The following FMNL2 variants were observed in gnomAD, a reference collection of about 807,000 sequenced individuals.
The protein encoded by FMNL2 is formin like 2.
Under a neutral mutation model 130.2 loss-of-function variants are expected in FMNL2, and 51 were observed. That is an observed-to-expected ratio of 0.39 (90% confidence interval 0.31 to 0.49). FMNL2 has a LOEUF of 0.49. FMNL2 is among the 20% of genes least tolerant of loss of function. FMNL2 has a pLI of 0.85. For missense variants in FMNL2, 977 were observed against 1,316.2 expected, an observed-to-expected ratio of 0.74 and a Z score of 3.99; for synonymous variants, 465 against 467.1, an observed-to-expected ratio of 1.00 and a Z score of 0.06.
chr2:152,562,385 G>A (rs1420317640), intron 6 of FMNL2, among the ~76,000 whole-genome samples: 1 of 152,174 alleles, frequency 6.6e-6, no homozygotes, highest in South Asian at 2.1e-4. Context: ...GAATCCATAT[G>A]TCAGATTGCA....
At chr2:152,450,687 A>G (rs1688591798) in intron 1 of FMNL2, among the ~76,000 whole-genome samples, 1 of 151,998 alleles carries the variant, frequency 6.6e-6, no homozygotes, top group Admixed American at 6.6e-5. Flanking sequence ...CTCCCTTCTC[A>G]CTTAAGTCAG....
chr2:152,466,582 A>G (rs1689554255), intron 1 of FMNL2, among the ~76,000 whole-genome samples: 1 of 152,216 alleles, frequency 6.6e-6, no homozygotes, highest in African/African-American at 2.4e-5. Flanking sequence ...GGTTTGAAGG[A>G]GAGTTGAGCT....
intron 1 of FMNL2, among the ~76,000 whole-genome samples, chr2:152,450,816 C>G (rs1194935567): frequency 6.6e-6 from 1 of 152,188 alleles, no homozygotes; most frequent in African/African-American, 2.4e-5. Flanking sequence ...TCCACTCGTT[C>G]CTTAAAATCA....
chr2:152,647,908 C>T lies in FMNL2; in HGVS notation c.*3C>T. 6.2e-7 allele frequency: 1 copy of T among 1,609,896 alleles called. No homozygotes were observed. Reference sequence around the variant, plus strand: ...ATGGTGCCGAAATAACAATGTGAACCTGAGACTGGCCTGCATGAATACAGG... The same window carrying T: ...ATGGTGCCGAAATAACAATGTGAACTTGAGACTGGCCTGCATGAATACAGG... On this transcript the variant is annotated 3_prime_UTR_variant, in exon 26 of 26. Coordinates refer to ENST00000288670, the MANE Select transcript of FMNL2 (RefSeq NM_052905.4).
At chr2:152,558,556 G>A (rs778870336) in intron 4 of FMNL2, among the ~76,000 whole-genome samples, 184 bp from the exon 5 acceptor site, 7 of 152,128 alleles carry the variant, frequency 4.6e-5, no homozygotes, top group Non-Finnish European at 8.8e-5. Context: ...AAAAGTTGTG[G>A]TTTTCTTAGT....
chr2:152,519,314 G>C (rs148871466), intron 1 of FMNL2, among the ~76,000 whole-genome samples: 1 of 152,098 alleles, frequency 6.6e-6, no homozygotes, highest in Non-Finnish European at 1.5e-5. Flanking sequence ...TGGGCATCGC[G>C]TCTGTTTGGA....
intron 9 of FMNL2, among the ~76,000 whole-genome samples, chr2:152,582,904 G>A (rs10497111): frequency 0.16 from 24,867 of 152,092 alleles, 2,439 homozygotes; most frequent in African/African-American, 0.27. Flanking sequence ...CTGCAGGTCA[G>A]ATTATATCCT....
intron 1 of FMNL2, among the ~76,000 whole-genome samples, chr2:152,410,660 C>T (rs1410935236): frequency 1.3e-5 from 2 of 152,194 alleles, no homozygotes; most frequent in Non-Finnish European, 2.9e-5. Flanking sequence ...GACCACCATC[C>T]CTTCACCCCC....
At chr2:152,469,124 C>T (rs903847079) in intron 1 of FMNL2, among the ~76,000 whole-genome samples, 6 of 152,196 alleles carry the variant, frequency 3.9e-5, no homozygotes, top group African/African-American at 1.2e-4. Context: ...GCTGTTGATT[C>T]GTTTTTCTTC....
At chr2:152,479,823 G>T (rs1690387844) in intron 1 of FMNL2, among the ~76,000 whole-genome samples, 1 of 146,946 alleles carries the variant, frequency 6.8e-6, no homozygotes, top group Admixed American at 7.0e-5. Flanking sequence ...CGATTCTCTT[G>T]CCTCAGCCTC....
chr2:152,558,690 G>C, intron 4 of FMNL2, 50 bp from the exon 5 acceptor site: 1 of 1,516,448 alleles, frequency 6.6e-7, no homozygotes, highest in South Asian at 1.2e-5. Flanking sequence ...TTCCATGGCA[G>C]GTCATGTGAT....
At chr2:152,547,628 G>T (rs1397291750) in intron 3 of FMNL2, among the ~76,000 whole-genome samples, 5 of 152,110 alleles carry the variant, frequency 3.3e-5, no homozygotes, top group Non-Finnish European at 7.4e-5. Context: ...AGGCCTTCAT[G>T]GGCCACCAAG....
chr2:152,437,823 C>T (rs1687845479), intron 1 of FMNL2, among the ~76,000 whole-genome samples: 1 of 152,190 alleles, frequency 6.6e-6, no homozygotes, highest in East Asian at 1.9e-4. Context: ...CTTTGAATAT[C>T]ACTGCCTTTT....
At position 152,632,055 on chromosome 2, in the gene FMNL2, T is replaced by C; in HGVS notation, c.2598T>C (p.Tyr866=). ...ACAGAAAGCAAACACTGTTGCACTA[T>C]ATATCCAATGTGGTGAAAGAAAAAT... ...STDRKQTLLH[Y]ISNVVKEKYH... The change falls in exon 21 of 26, where the codon TAT becomes TAC. Residue 866 remains tyrosine (Y), a synonymous_variant. Transcript: ENST00000288670. 1 of 1,613,428 alleles carries C rather than the reference T, an allele frequency of 6.2e-7. No homozygotes were observed. Among genetic ancestry groups the C allele is most frequent in the Non-Finnish European group, 8.5e-7 (1 of 1,179,614 alleles).
intron 15 of FMNL2, chr2:152,625,197 C>A: frequency 4.9e-6 from 2 of 406,612 alleles, no homozygotes; most frequent in Non-Finnish European, 8.8e-6. Context: ...AAAAAAAAAT[C>A]AACCCTTGGC....
intron 1 of FMNL2, among the ~76,000 whole-genome samples, chr2:152,373,661 C>T (rs923492342): frequency 2.6e-5 from 4 of 152,040 alleles, no homozygotes; most frequent in Admixed American, 1.3e-4. Flanking sequence ...GTGGATTCAA[C>T]GTAGTACTTG....
intron 1 of FMNL2, among the ~76,000 whole-genome samples, chr2:152,343,308 T>C (rs1681917528): frequency 6.6e-6 from 1 of 150,612 alleles, no homozygotes; most frequent in Non-Finnish European, 1.5e-5. Flanking sequence ...CATATTTTTT[T>C]GTTTTGAGAT....
In FMNL2 at chr2:152,480,633, TAAAAAAAAAAA is replaced by T. The variant is rs58943356; in HGVS notation, c.118-41292_118-41282del. Among the ~76,000 whole-genome samples, 89 of 37,392 alleles carry T rather than the reference TAAAAAAAAAAA, an allele frequency of 2.4e-3. 5 individuals are homozygous for T. The East Asian group carries it at 0.068, about 29-fold the overall frequency. 24.5% of individuals were successfully genotyped at this position (37,392 alleles called of 152,430 possible). A position where few individuals can be genotyped will look rare whatever the true frequency, so the allele number is the denominator to read the frequency against. The stretch of plus-strand genomic sequence containing the variant: ...CTGGGCGACAGAGCAAGACTCTGTC[TAAAAAAAAAAA>T]AAAAAAAAAAAAAAAAAGTGAAAAT... On this transcript the variant is annotated intron_variant, in intron 1 of 25. Transcript: ENST00000288670.
intron 5 of FMNL2, 89 bp downstream of exon 5, chr2:152,558,912 C>A: frequency 8.8e-7 from 1 of 1,140,834 alleles, no homozygotes; most frequent in Non-Finnish European, 1.3e-6. Flanking sequence ...ACAGAGAGGG[C>A]AGAAACTCAG....
Sources: gnomAD v4.1 joint callset for allele counts (sites outside exome capture counted in the v4.1 genomes callset) on GRCh38, gnomAD v4.1.1 for gene constraint, MANE v1.5 for transcripts, NCBI Gene and HGNC (gene_info 2026-07-23, HGNC 2026-07-21) for gene names.